GAREM2: variants seen among roughly 807,000 people sequenced by gnomAD.
GAREM2 encodes the protein GRB2-associated and regulator of MAPK protein 2.
In GAREM2, 30 loss-of-function variants were observed where a neutral mutation model predicts 55.6. The observed-to-expected ratio is 0.54, with a 90% CI of 0.40 to 0.73. The LOEUF (loss-of-function observed/expected upper bound fraction) is 0.73. Ranked by LOEUF, GAREM2 falls within the 30% of genes least tolerant of loss-of-function variation. GAREM2 has a pLI of 0.00. For missense variants in GAREM2, 1,075 were observed against 1,257.7 expected, an observed-to-expected ratio of 0.85 and a Z score of 2.20; for synonymous variants, 550 against 569.1, an observed-to-expected ratio of 0.97 and a Z score of 0.48.
chr2:26,177,388 G>A (rs1047144375), intron 2 of GAREM2, among the ~76,000 whole-genome samples: 4 of 152,200 alleles, frequency 2.6e-5, no homozygotes, highest in Admixed American at 6.5e-5. Context: ...ATGCTGGGCC[G>A]AACATTTTTG....
At chr2:26,202,993 AAG>A in the GAREM2 span, among the ~76,000 whole-genome samples, 1 of 152,350 alleles carries the variant, frequency 6.6e-6, no homozygotes, top group African/African-American at 2.4e-5. Context: ...GACACTATTC[AAG>A]AGAGACTGGG....
downstream of GAREM2, chr2:26,194,656 A>G (rs2147753134): frequency 1.9e-6 from 3 of 1,545,282 alleles, no homozygotes; most frequent in African/African-American, 1.4e-5. Context: ...GGAAGAGAAC[A>G]TGAGCTCCCT....
At chr2:26,192,053 G>A (rs1024109343), downstream of GAREM2, among the ~76,000 whole-genome samples, 2 of 152,180 alleles carry the variant, frequency 1.3e-5, no homozygotes, top group African/African-American at 4.8e-5. Context: ...GCTGGGCAGA[G>A]ACCAAGGAGC....
chr2:26,193,992 C>T (rs766393274), downstream of GAREM2, among the ~76,000 whole-genome samples: 6 of 152,172 alleles, frequency 3.9e-5, no homozygotes, highest in Admixed American at 6.6e-5. Context: ...ACTTTAAGGA[C>T]GTTTAGAGAT....
At position 26,179,087 on chromosome 2, in the gene GAREM2, G is replaced by T. The variant is rs1187003825; in HGVS notation, c.253+2603G>T. ...CGTGGAGGGAGGAGGACGGCGACTC[G>T]CGCCGGGTGGGGCTGAAGGCACTGC... On this transcript the variant is annotated intron_variant, in intron 2 of 5. Transcript: ENST00000401533. This position sits in a 1 kb window ranked among gnomAD's most constrained non-coding sequence, Gnocchi z 4.7. 6.6e-6 allele frequency among the ~76,000 whole-genome samples: 1 copy of T among 152,202 alleles called. No homozygotes were observed. Among genetic ancestry groups the T allele is most frequent in the African/African-American group, 2.4e-5 (1 of 41,450 alleles).
intron 3 of GAREM2, among the ~76,000 whole-genome samples, chr2:26,183,382 C>T (rs1669118732): frequency 6.6e-6 from 1 of 152,232 alleles, no homozygotes; most frequent in African/African-American, 2.4e-5. Flanking sequence ...GCTGCCCCAG[C>T]ACCCACTTGT....
At chr2:26,191,414 C>G (rs367910392), downstream of GAREM2, 14 of 1,614,082 alleles carry the variant, frequency 8.7e-6, no homozygotes, top group East Asian at 2.5e-4. Flanking sequence ...AGAAAGAGGA[C>G]TTCGTTGAAG....
chr2:26,196,605 C>T, the GAREM2 span, among the ~76,000 whole-genome samples: 118,444 of 151,486 alleles, frequency 0.78, 46,274 homozygotes, highest in East Asian at 0.84. Flanking sequence ...CCCTTGCTCC[C>T]GGGCAAACCA....
chr2:26,198,549 G>A, the GAREM2 span, among the ~76,000 whole-genome samples: 1 of 151,764 alleles, frequency 6.6e-6, no homozygotes, highest in African/African-American at 2.4e-5. Context: ...TCTGGAACAG[G>A]CAGAATCCTA....
At chr2:26,190,099 CTT>C (rs1183735428), downstream of GAREM2, among the ~76,000 whole-genome samples, 1 of 152,304 alleles carries the variant, frequency 6.6e-6, no homozygotes, top group Admixed American at 6.5e-5. Context: ...TCAGAGGTGA[CTT>C]GGTTTTAGAG....
intron 1 of GAREM2, among the ~76,000 whole-genome samples, chr2:26,174,051 T>G (rs1668783569): frequency 7.1e-6 from 1 of 141,048 alleles, no homozygotes; most frequent in African/African-American, 2.6e-5. Context: ...AGGGGGGTGC[T>G]GCTTGGTTGG....
chr2:26,197,261 G>A, the GAREM2 span, among the ~76,000 whole-genome samples: 2 of 152,132 alleles, frequency 1.3e-5, no homozygotes, highest in Admixed American at 6.5e-5. Flanking sequence ...TTCATGTCCC[G>A]GGGTAGAAGG....
chr2:26,193,456 G>A (rs757719285), downstream of GAREM2: 119 of 873,870 alleles, frequency 1.4e-4, no homozygotes, highest in Middle Eastern at 3.7e-3. Context: ...AATCGCCAGT[G>A]ATAAGGGCTC....
chr2:26,185,291 T>TGGGGGCCGAGTCCCGGGTCCAGCC lies in GAREM2; in HGVS notation c.1428+16_1428+39dup. 1 of 1,497,100 alleles carries TGGGGGCCGAGTCCCGGGTCCAGCC rather than the reference T, an allele frequency of 6.7e-7. No individual in the cohort carries two copies. The highest frequency in any genetic ancestry group is 8.9e-7 in the Non-Finnish European group (1 of 1,129,762). The allele number at this position is 1,497,100 out of a possible 1,614,324, so 92.7% of individuals were successfully genotyped here. On this transcript the variant is annotated intron_variant, in intron 4 of 5. Transcript: ENST00000401533. Reference sequence around the variant, plus strand: ...AATCCGAGGCGGTGAGTGAGCGCGCTGGGGGCCGAGTCCCGGGTCCAGCCA... The same window carrying TGGGGGCCGAGTCCCGGGTCCAGCC: ...AATCCGAGGCGGTGAGTGAGCGCGCTGGGGGCCGAGTCCCGGGTCCAGCCGGGGGCCGAGTCCCGGGTCCAGCCA...
rs1475278531 is a variant in GAREM2, at chr2:26,188,079, G to C, written c.2447G>C (p.Arg816Pro). 3.2e-6 allele frequency: 5 copies of C among 1,548,532 alleles called. No homozygotes were observed. In the African/African-American group the frequency reaches 4.1e-5, roughly 13 times the overall value. The change falls in exon 6 of 6, where the codon CGC (arginine) becomes CCC (proline). Residue 816 changes from arginine to proline, a missense_variant. Physicochemically the swap from Arg to Pro is moderately radical, Grantham distance 103 (BLOSUM62 -2). Transcript: ENST00000401533. ...LSALSLEEVS[R>P]SLRFIGLSED... is the part of the protein sequence containing the mutation. Reference sequence around the variant, plus strand: ...GCACTCTCCCTGGAGGAGGTCTCTCGCAGTCTGCGTTTCATCGGGCTCTCA... The same window carrying C: ...GCACTCTCCCTGGAGGAGGTCTCTCCCAGTCTGCGTTTCATCGGGCTCTCA...
At chr2:26,194,520 T>C, downstream of GAREM2, 1 of 1,071,650 alleles carries the variant, frequency 9.3e-7, no homozygotes, top group Non-Finnish European at 1.5e-6. Flanking sequence ...AGTTTTAGAG[T>C]GACTGAAGGA....
chr2:26,204,287 C>G, the GAREM2 span: 2 of 1,058,412 alleles, frequency 1.9e-6, no homozygotes, highest in Non-Finnish European at 3.0e-6. Flanking sequence ...AATAAACCAA[C>G]TAATGCAGGC....
At chr2:26,173,610 C>T (rs895255963) in intron 1 of GAREM2, among the ~76,000 whole-genome samples, 2 of 152,070 alleles carry the variant, frequency 1.3e-5, no homozygotes, top group Admixed American at 1.3e-4. Flanking sequence ...GGGCCGAGCC[C>T]CTGCTCCCGC....
At chr2:26,193,860 T>C, downstream of GAREM2, 3 of 1,017,234 alleles carry the variant, frequency 2.9e-6, no homozygotes, top group Non-Finnish European at 1.6e-6. Context: ...AACACTGCCT[T>C]GTGTAAAACC....
Sources: gnomAD v4.1 joint callset for allele counts (sites outside exome capture counted in the v4.1 genomes callset) on GRCh38, gnomAD v4.1.1 for gene constraint, Gnocchi (gnomAD v3.1) non-coding constraint, MANE v1.5 for transcripts, NCBI Gene and HGNC (gene_info 2026-07-23, HGNC 2026-07-21) for gene names.